ZRANB3: variants seen among roughly 807,000 people sequenced by gnomAD.
ZRANB3 encodes the protein zinc finger RANBP2-type containing 3.
A neutral mutation model predicts 133.8 loss-of-function variants in ZRANB3; 125 were observed. The ratio of observed to expected loss-of-function variants is 0.93; its 90% confidence interval spans 0.81 to 1.08. ZRANB3 has a LOEUF of 1.08. ZRANB3 is among the 50% of genes least tolerant of loss of function. The probability of loss-of-function intolerance (pLI) is 0.00; values close to 1 mark genes in which losing one functional copy is unlikely to be tolerated. For missense variants in ZRANB3, 1,229 were observed against 1,275.5 expected, an observed-to-expected ratio of 0.96 and a Z score of 0.56; for synonymous variants, 387 against 432.7, an observed-to-expected ratio of 0.89 and a Z score of 1.31.
intron 1 of ZRANB3, among the ~76,000 whole-genome samples, chr2:135,519,587 C>A (rs1693838534): frequency 1.3e-5 from 2 of 152,126 alleles, no homozygotes; most frequent in South Asian, 4.1e-4. Flanking sequence ...AGGGCTAAAT[C>A]CCACTGAAAA....
chr2:135,340,104 C>CTTTTTTT (rs769541283), intron 6 of ZRANB3, among the ~76,000 whole-genome samples: 1 of 123,776 alleles, frequency 8.1e-6, no homozygotes. Flanking sequence ...TGTCCCTTTT[C>CTTTTTTT]TTTTTTTTTT....
In ZRANB3 at chr2:135,201,800, T is replaced by C. The variant is rs1693639822; in HGVS notation, c.3141+1032A>G. Among the ~76,000 whole-genome samples the C allele has an allele frequency of 1.3e-5, 2 of 152,104 alleles. 1 individual carries two copies. Among genetic ancestry groups the C allele is most frequent in the Admixed American group, 1.3e-4 (2 of 15,262 alleles). On this transcript the variant is annotated intron_variant, in intron 20 of 20. Coordinates refer to ENST00000264159, the MANE Select transcript of ZRANB3 (RefSeq NM_032143.4). ...TCGATGTCTTTAGCAAACAAAACAATTGCAGGCCATTCTCCCTGCACCACA... is the reference window on the plus strand; with the variant it reads ...TCGATGTCTTTAGCAAACAAAACAACTGCAGGCCATTCTCCCTGCACCACA...
intron 9 of ZRANB3, among the ~76,000 whole-genome samples, chr2:135,272,170 A>G (rs1680549508): frequency 6.6e-6 from 1 of 152,210 alleles, no homozygotes; most frequent in Non-Finnish European, 1.5e-5. Context: ...ATATAGCAGA[A>G]GCTCCACAAA....
At chr2:135,397,205 A>G (rs1052270462) in intron 2 of ZRANB3, among the ~76,000 whole-genome samples, 1 of 152,058 alleles carries the variant, frequency 6.6e-6, no homozygotes, top group African/African-American at 2.4e-5. Flanking sequence ...CACTTTGGTA[A>G]GCTGAGGTGG....
chr2:135,475,192 G>A (rs936998234), intron 2 of ZRANB3, among the ~76,000 whole-genome samples: 1 of 152,116 alleles, frequency 6.6e-6, no homozygotes, highest in Admixed American at 6.5e-5. Context: ...TCTGTATTTT[G>A]TAACTATTCC....
Position 135,227,687 on chromosome 2 carries a change from T to C in ZRANB3, c.2158+125A>G, listed in dbSNP as rs193153656. On this transcript the variant is annotated intron_variant, in intron 14 of 20. Transcript: ENST00000264159. ...TAAGTATGTGGTTACAAATGGTTGG[T>C]ATTTTTAATATAAAAGAGAGTAAAA... The C allele has an allele frequency of 2.0e-4, 186 of 918,882 alleles. 1 individual carries two copies. In the East Asian group the frequency reaches 4.3e-3, roughly 21 times the overall value. 56.9% of individuals were successfully genotyped at this position (918,882 alleles called of 1,614,324 possible).
intron 1 of ZRANB3, among the ~76,000 whole-genome samples, chr2:135,507,516 T>C (rs911722281): frequency 2.0e-5 from 3 of 152,166 alleles, no homozygotes; most frequent in Admixed American, 2.0e-4. Context: ...ATGTCCACTT[T>C]CCAGAAGTAA....
chr2:135,359,807 G>A (rs890152840), intron 3 of ZRANB3, among the ~76,000 whole-genome samples: 2 of 152,090 alleles, frequency 1.3e-5, no homozygotes, highest in Non-Finnish European at 2.9e-5. Flanking sequence ...ATTATGTAGT[G>A]AAATGACTAA....
At chr2:135,225,870 C>A (rs1694741769) in intron 14 of ZRANB3, among the ~76,000 whole-genome samples, 2 of 152,148 alleles carry the variant, frequency 1.3e-5, no homozygotes, top group African/African-American at 4.8e-5. Context: ...CTGAAGGAAG[C>A]AAGAGCTCTG....
At chr2:135,211,544 C>A (rs1282577425) in intron 17 of ZRANB3, among the ~76,000 whole-genome samples, 1 of 152,072 alleles carries the variant, frequency 6.6e-6, no homozygotes, top group Non-Finnish European at 1.5e-5. Flanking sequence ...CTGTCTCAAA[C>A]AAAAACAAAA....
intron 3 of ZRANB3, among the ~76,000 whole-genome samples, chr2:135,369,684 A>T (rs1363677907): frequency 6.6e-6 from 1 of 152,196 alleles, no homozygotes; most frequent in Non-Finnish European, 1.5e-5. Flanking sequence ...TAAGGTGGGG[A>T]CCTCATAGTC....
intron 2 of ZRANB3, among the ~76,000 whole-genome samples, chr2:135,455,149 G>A (rs1227592494): frequency 1.4e-5 from 2 of 145,770 alleles, no homozygotes; most frequent in Non-Finnish European, 3.0e-5. Context: ...GCCACTGAAT[G>A]GGATCACAAT....
intron 12 of ZRANB3, among the ~76,000 whole-genome samples, chr2:135,262,748 T>C (rs1269481198): frequency 6.6e-6 from 1 of 151,290 alleles, no homozygotes; most frequent in Admixed American, 6.6e-5. Flanking sequence ...GCCACTGGAC[T>C]CCAACCTGGG....
chr2:135,508,190 T>G (rs968311369), intron 1 of ZRANB3, among the ~76,000 whole-genome samples: 1 of 152,152 alleles, frequency 6.6e-6, no homozygotes, highest in African/African-American at 2.4e-5. Flanking sequence ...CAGGCTGGAG[T>G]GCAGTGGCAC....
chr2:135,242,420 C>A (rs2105084298), intron 12 of ZRANB3, among the ~76,000 whole-genome samples: 1 of 151,794 alleles, frequency 6.6e-6, no homozygotes, highest in East Asian at 1.9e-4. Context: ...TTTCGGTTTT[C>A]CATTCATTAT....
intron 12 of ZRANB3, among the ~76,000 whole-genome samples, chr2:135,255,913 T>A (rs889884350): frequency 9.3e-4 from 96 of 103,002 alleles, no homozygotes; most frequent in East Asian, 2.3e-3. Context: ...CTCATTAAAA[T>A]TTTTTTTTTT....
rs1693081188 is a variant in ZRANB3 at position 135,504,353 on chromosome 2, A to G, written c.137T>C (p.Ile46Thr). The G allele has an allele frequency of 6.2e-7, 1 of 1,613,514 alleles. No homozygotes were observed. Among genetic ancestry groups the G allele is most frequent in the African/African-American group, 1.3e-5 (1 of 74,910 alleles). ...KLLPFQKDGI[I>T]FALKRNGRCM... The stretch of plus-strand genomic sequence containing the variant: ...CCTGCCATTTCTTTTGAGGGCAAAA[A>G]TGATGCCATCTTTCTGGAATGGAAG... Residue 46 changes from isoleucine to threonine, a missense_variant, in exon 2 of 21, where the codon ATT becomes ACT. Transcript: ENST00000264159.
At chr2:135,463,597 C>T (rs925546391) in intron 2 of ZRANB3, among the ~76,000 whole-genome samples, 4 of 151,768 alleles carry the variant, frequency 2.6e-5, no homozygotes, top group Non-Finnish European at 2.9e-5. Context: ...TTTTGTTTAT[C>T]GTAGAGTCGG....
chr2:135,372,421 A>G (rs188416888), intron 3 of ZRANB3, among the ~76,000 whole-genome samples: 1 of 152,246 alleles, frequency 6.6e-6, no homozygotes, highest in Admixed American at 6.5e-5. Flanking sequence ...ACTTAAAGGA[A>G]TATCTGCTAC....
Sources: gnomAD v4.1 joint callset for allele counts (sites outside exome capture counted in the v4.1 genomes callset) on GRCh38, gnomAD v4.1.1 for gene constraint, MANE v1.5 for transcripts, NCBI Gene and HGNC (gene_info 2026-07-23, HGNC 2026-07-21) for gene names.